Variants in EPHA6 observed in about 807,000 individuals in gnomAD.
EPHA6 encodes ephrin type-A receptor 6.
Under a neutral mutation model 112.0 loss-of-function variants are expected in EPHA6, and 50 were observed. The ratio of observed to expected loss-of-function variants is 0.45; its 90% CI spans 0.36 to 0.56. EPHA6 has a LOEUF of 0.56. Among genes scored for constraint, EPHA6 ranks in the 20% least tolerant of loss-of-function variants. EPHA6 has a pLI of 0.00. For missense variants in EPHA6, 1,280 were observed against 1,417.4 expected (o/e 0.90, Z 1.56); for synonymous variants, 529 against 490.7 (o/e 1.08, Z -1.03).
At chr3:97,728,837 C>A (rs2034900502) in intron 15 of EPHA6, among the ~76,000 whole-genome samples, 3 of 152,062 alleles carry the variant, frequency 2.0e-5, no homozygotes. Flanking sequence ...AAACTGTTAG[C>A]AACAAAGATT....
At chr3:96,819,147 A>G (rs9859954) in intron 1 of EPHA6, among the ~76,000 whole-genome samples, 15,241 of 151,998 alleles carry the variant, frequency 0.1, 1,091 homozygotes, top group African/African-American at 0.2. Context: ...AAATAACTTA[A>G]ATGAATATAG....
At chr3:97,087,546 A>C (rs2046940628) in intron 3 of EPHA6, among the ~76,000 whole-genome samples, 2 of 152,210 alleles carry the variant, frequency 1.3e-5, no homozygotes, top group East Asian at 3.9e-4. Flanking sequence ...GTGGGTGTTC[A>C]AAACCACATG....
rs751425851 is a variant in EPHA6, at chr3:97,640,616, C to CAA, written c.2784+2547_2784+2548dup. Among the ~76,000 whole-genome samples the CAA allele has an allele frequency of 7.9e-3, 1,056 of 133,974 alleles. 16 individuals carry two copies. Among genetic ancestry groups the CAA allele is most frequent in the African/African-American group, 0.027 (979 of 36,674 alleles). The allele number at this position is 133,974 out of a possible 152,430, so 87.9% of individuals were successfully genotyped here. A position where few individuals can be genotyped will look rare whatever the true frequency, so the allele number is the denominator to read the frequency against. ...AGAAACCCCATCTCTACTAAAAATA[C>CAA]AAAAAAAAAAAAAATTAGCCAGGCG... is the stretch of plus-strand genomic sequence containing the variant. On this transcript the variant is annotated intron_variant, in intron 14 of 17. Coordinates refer to ENST00000389672, the MANE Select transcript of EPHA6 (RefSeq NM_001080448.3).
At chr3:97,165,741 T>G (rs1255431085) in intron 3 of EPHA6, among the ~76,000 whole-genome samples, 1 of 152,108 alleles carries the variant, frequency 6.6e-6, no homozygotes, top group Non-Finnish European at 1.5e-5. Flanking sequence ...TAGGAAAAAT[T>G]ATCTAGAAAG....
chr3:97,075,902 C>T (rs1403465902), intron 3 of EPHA6, among the ~76,000 whole-genome samples: 1 of 151,918 alleles, frequency 6.6e-6, no homozygotes, highest in East Asian at 1.9e-4. Flanking sequence ...GTGTTATGAA[C>T]CATGTTCATC....
At chr3:97,397,939 A>C (rs755679364) in intron 5 of EPHA6, among the ~76,000 whole-genome samples, 7 of 151,564 alleles carry the variant, frequency 4.6e-5, no homozygotes, top group South Asian at 4.1e-4. Flanking sequence ...TGCAAAAGCA[A>C]AGAGATTTTA....
intron 2 of EPHA6, among the ~76,000 whole-genome samples, chr3:96,926,655 A>G (rs957671883): frequency 4.6e-5 from 7 of 152,260 alleles, no homozygotes; most frequent in Non-Finnish European, 1.0e-4. Context: ...TACAGGCCCC[A>G]TGCAAGTCCA....
intron 5 of EPHA6, among the ~76,000 whole-genome samples, chr3:97,339,837 C>T (rs1273977445): frequency 1.3e-5 from 2 of 151,702 alleles, no homozygotes; most frequent in South Asian, 2.1e-4. Context: ...CTGAACTGAG[C>T]GACAAGGACT....
chr3:97,356,930 A>AGTT (rs1239475956), intron 5 of EPHA6, among the ~76,000 whole-genome samples: 1 of 151,996 alleles, frequency 6.6e-6, no homozygotes, highest in Non-Finnish European at 1.5e-5. Flanking sequence ...CAATTCTATC[A>AGTT]GTTTTTGATT....
At chr3:97,587,072 G>A (rs1299137719) in intron 11 of EPHA6, among the ~76,000 whole-genome samples, 3 of 152,032 alleles carry the variant, frequency 2.0e-5, no homozygotes, top group African/African-American at 7.2e-5. Context: ...GTAAAACCCT[G>A]TCTCTACTAA....
At chr3:97,291,759 C>T (rs188399026) in intron 5 of EPHA6, among the ~76,000 whole-genome samples, 1 of 152,268 alleles carries the variant, frequency 6.6e-6, no homozygotes, top group African/African-American at 2.4e-5. Context: ...TCCCTTTATT[C>T]TATAATGACC....
Position 97,750,194 on chromosome 3 carries a change from T to C in EPHA6, c.*1493T>C, listed in dbSNP as rs1196858729. ...AAAAACAGAGTAGGTTGTCTAAAGATGCTGATTTAATAAATTAGCTTTTGT... is the reference window on the plus strand; with the variant it reads ...AAAAACAGAGTAGGTTGTCTAAAGACGCTGATTTAATAAATTAGCTTTTGT... On this transcript the variant is annotated 3_prime_UTR_variant, in exon 18 of 18. Coordinates refer to ENST00000389672, the MANE Select transcript of EPHA6 (RefSeq NM_001080448.3). Among the ~76,000 whole-genome samples the C allele has an allele frequency of 1.3e-5, 2 of 152,064 alleles. No homozygotes were observed. Among genetic ancestry groups the C allele is most frequent in the African/African-American group, 2.4e-5 (1 of 41,400 alleles).
chr3:97,400,193 G>T (rs1468131131), intron 5 of EPHA6, among the ~76,000 whole-genome samples: 2 of 151,530 alleles, frequency 1.3e-5, no homozygotes, highest in African/African-American at 4.8e-5. Flanking sequence ...TTATTGAAAA[G>T]ATGCCAAAAA....
chr3:97,449,501 C>A (rs1171408355), intron 7 of EPHA6, among the ~76,000 whole-genome samples: 1 of 151,908 alleles, frequency 6.6e-6, no homozygotes, highest in Non-Finnish European at 1.5e-5. Context: ...TATAGTAATT[C>A]CTTATGGATA....
intron 10 of EPHA6, among the ~76,000 whole-genome samples, chr3:97,489,603 A>G (rs1047241694): frequency 6.6e-6 from 1 of 151,430 alleles, no homozygotes; most frequent in Non-Finnish European, 1.5e-5. Context: ...AGAGAATGGC[A>G]TGAACCCGGG....
At chr3:97,569,238 G>A (rs1406377424) in intron 11 of EPHA6, among the ~76,000 whole-genome samples, 1 of 152,110 alleles carries the variant, frequency 6.6e-6, no homozygotes, top group Non-Finnish European at 1.5e-5. Context: ...CATAAAGGCA[G>A]AGATTCTCCA....
chr3:97,702,970 T>C (rs2033480519), intron 14 of EPHA6, among the ~76,000 whole-genome samples: 1 of 152,156 alleles, frequency 6.6e-6, no homozygotes, highest in Admixed American at 6.6e-5. Context: ...CCTTAAATTA[T>C]ACAAGTTAAT....
At chr3:97,171,009 A>G (rs939395099) in intron 3 of EPHA6, among the ~76,000 whole-genome samples, 4 of 152,144 alleles carry the variant, frequency 2.6e-5, no homozygotes, top group Non-Finnish European at 5.9e-5. Context: ...CAAAAAATGT[A>G]ACTTGAACCA....
intron 5 of EPHA6, among the ~76,000 whole-genome samples, chr3:97,258,136 CA>C (rs1341197967): frequency 6.6e-6 from 1 of 151,956 alleles, no homozygotes. Context: ...TTCTATTGGA[CA>C]GTCAACAAAT....
Sources: gnomAD v4.1 joint callset for allele counts (sites outside exome capture counted in the v4.1 genomes callset) on GRCh38, gnomAD v4.1.1 for gene constraint, MANE v1.5 for transcripts, NCBI Gene and HGNC (gene_info 2026-07-23, HGNC 2026-07-21) for gene names.